The following MAMDC4 variants were observed in gnomAD, a reference collection of about 807,000 sequenced individuals.
MAMDC4 encodes the protein MAM domain containing 4.
A neutral mutation model predicts 153.3 loss-of-function variants in MAMDC4; 168 were observed. The ratio of observed to expected loss-of-function variants is 1.10; its 90% CI spans 0.97 to 1.25. The LOEUF (loss-of-function observed/expected upper bound fraction) is 1.25, where lower values mean the gene tolerates loss of function less well. Ranked by LOEUF, MAMDC4 falls within the 50% of genes most tolerant of loss-of-function variation. The pLI is 0.00. For synonymous variants in MAMDC4, 744 were observed against 651.5 expected (o/e 1.14, Z -2.16); for missense variants, 1,701 against 1,542.8 (o/e 1.10, Z -1.72).
In MAMDC4 at chr9:136,857,173, C is replaced by T. The variant is rs143519494; in HGVS notation, c.1981C>T (p.Arg661Cys). The T allele has an allele frequency of 1.6e-5, 26 of 1,612,234 alleles. No individual in the cohort carries two copies. Among genetic ancestry groups the T allele is most frequent in the African/African-American group, 8.0e-5 (6 of 74,918 alleles). Residue 661 changes from arginine to cysteine, a missense_variant, in exon 17 of 27, where the codon CGC becomes TGC. Arg to Cys is a radical substitution (Grantham distance 180). Coordinates refer to ENST00000317446, the MANE Select transcript of MAMDC4 (RefSeq NM_206920.3). Reference protein sequence around the residue: ...HLHGPQIGTLRLAMRREGEET... With the variant: ...HLHGPQIGTLCLAMRREGEET... ...TGGTCCCCTCCCTGCAGGGACTCTG[C>T]GCCTAGCCATGAGACGGGAAGGGGA...
Position 136,855,013 on chromosome 9 carries a change from C to G in MAMDC4, c.1100C>G (p.Ala367Gly). The G allele has an allele frequency of 6.3e-7, 1 of 1,596,444 alleles. No homozygotes were observed. Among genetic ancestry groups the G allele is most frequent in the Middle Eastern group, 2.1e-4 (1 of 4,816 alleles). The change falls in exon 10 of 27, where the codon GCC becomes GGC. Residue 367 changes from alanine (A) to glycine (G), a missense_variant. Ala to Gly is a moderately conservative substitution (Grantham distance 60). Coordinates refer to ENST00000317446, the MANE Select transcript of MAMDC4 (RefSeq NM_206920.3). Reference sequence around the variant, plus strand: ...TTCCTGCAGACTCTGGGGCCCGGCGCCCCCCGGGCCCCCGTCCTGCTGCGG... The same window carrying G: ...TTCCTGCAGACTCTGGGGCCCGGCGGCCCCCGGGCCCCCGTCCTGCTGCGG... ...QLFLQTLGPG[A>G]PRAPVLLRRR... is the part of the protein sequence containing the mutation.
chr9:136,856,562 CGAGA>C, intron 14 of MAMDC4, 144 bp from the exon 15 acceptor site: 1 of 835,646 alleles, frequency 1.2e-6, no homozygotes. Context: ...CAGTGACCAC[CGAGA>C]GAGACAGAGG....
In MAMDC4 at chr9:136,857,030, G is replaced by A. The variant is rs765091429; in HGVS notation, c.1961G>A (p.Gly654Glu). The change falls in exon 16 of 27, where the codon GGG (glycine) becomes GAG (glutamate). Residue 654 changes from glycine to glutamate, a missense_variant. Coordinates refer to ENST00000317446, the MANE Select transcript of MAMDC4 (RefSeq NM_206920.3). ...CTCAGCTTCTGGTACCACCTCCATG[G>A]GCCCCAGATTGGTGAGTGGACCTGG... ...ECLSFWYHLH[G>E]PQIGTLRLAM... is the part of the protein sequence containing the mutation. 3 of 1,611,386 alleles carry A rather than the reference G, an allele frequency of 1.9e-6. No individual in the cohort carries two copies. The South Asian group carries it at 3.3e-5, about 18-fold the overall frequency.
At position 136,857,552 on chromosome 9, in the gene MAMDC4, C is replaced by T. The variant is rs764830283; in HGVS notation, c.2292C>T (p.Gly764=). 15 of 1,611,720 alleles carry T rather than the reference C, an allele frequency of 9.3e-6. No individual in the cohort carries two copies. Among genetic ancestry groups the T allele is most frequent in the Middle Eastern group, 1.6e-4 (1 of 6,084 alleles). ...QANASGHAAW[G]PPTDHTTETA... ...ATGCCTCGGGCCATGCTGCCTGGGG[C>T]CCCCCAACAGACCATACCACTGAGA... The change falls in exon 18 of 27, where the codon GGC becomes GGT. Residue 764 remains glycine (G), a synonymous_variant. Transcript: ENST00000317446.
At position 136,854,523 on chromosome 9, in the gene MAMDC4, C is replaced by A; in HGVS notation, c.797-16C>A. 6.3e-7 allele frequency: 1 copy of A among 1,596,978 alleles called. No individual in the cohort carries two copies. The highest frequency in any genetic ancestry group is 8.5e-7 in the Non-Finnish European group (1 of 1,172,966). On this transcript the variant is annotated splice_polypyrimidine_tract_variant and intron_variant, in intron 7 of 26. Transcript: ENST00000317446. ...GCACTGCCTGGTGGCCCTGACACGC[C>A]CACCTCCTGCCCTAGGCCGCCACAT...
chr9:136,857,568 A>AC lies in MAMDC4; in HGVS notation c.2310dup (p.Thr771HisfsTer2), dbSNP rs781132533. ...TGCCTGGGGCCCCCCAACAGACCAT[A>AC]CCACTGAGACAGCCCAAGGTATGGG... On this transcript the variant is annotated frameshift_variant, in exon 18 of 27. Coordinates refer to ENST00000317446, the MANE Select transcript of MAMDC4 (RefSeq NM_206920.3). LOFTEE classifies it high-confidence loss of function. 1 of 1,612,350 alleles carries AC rather than the reference A, an allele frequency of 6.2e-7. No individual in the cohort carries two copies. The highest frequency in any genetic ancestry group is 2.2e-5 in the East Asian group (1 of 44,876).
chr9:136,856,297 G>A (rs1849003032), intron 14 of MAMDC4, 148 bp downstream of exon 14: 4 of 1,303,472 alleles, frequency 3.1e-6, no homozygotes, highest in Non-Finnish European at 3.3e-6. Context: ...GCTCCCGGGA[G>A]CTGGCATGGC....
Position 136,857,756 on chromosome 9 carries a change from T to C in MAMDC4, c.2424T>C (p.Ala808=). The change falls in exon 19 of 27, where the codon GCT becomes GCC. Residue 808 remains alanine, a synonymous_variant. Transcript: ENST00000317446. ...SKEHRPLAQP[A]CLTFWYHGSL... ...AGCACAGGCCCCTGGCCCAGCCTGC[T>C]TGTCTGACCTTCTGGTACCACGGGA... 6.2e-7 allele frequency: 1 copy of C among 1,612,628 alleles called. No homozygotes were observed.
In MAMDC4 at chr9:136,859,337, G is replaced by C. The variant is rs1849053534; in HGVS notation, c.3193+20G>C. On this transcript the variant is annotated intron_variant, in intron 25 of 26. Transcript: ENST00000317446. ...GCCCGGGTGAGCCCTGGGCTGCAGT[G>C]GAGGCACGGAGGAGGGCCCAAGGGG... The C allele has an allele frequency of 6.3e-7, 1 of 1,591,614 alleles. No individual in the cohort carries two copies. The highest frequency in any genetic ancestry group is 1.8e-5 in the Admixed American group (1 of 56,684).
chr9:136,855,803 C>T lies in MAMDC4; in HGVS notation c.1543C>T (p.Arg515Cys), dbSNP rs575201329. Reference protein sequence around the residue: ...DASVGRLQWRRVSAQESQGSS... With the variant: ...DASVGRLQWRCVSAQESQGSS... ...CAGCGTGGGGCGGCTGCAGTGGCGG[C>T]GTGTCTCAGCCCAGGAGAGCCAGGG... The change falls in exon 13 of 27, where the codon CGT becomes TGT. Residue 515 changes from arginine (R) to cysteine (C), a missense_variant. Coordinates refer to ENST00000317446, the MANE Select transcript of MAMDC4 (RefSeq NM_206920.3). 1.6e-5 allele frequency: 25 copies of T among 1,542,766 alleles called. No individual in the cohort carries two copies. In the African/African-American group the frequency reaches 2.5e-4, roughly 15 times the overall value.
At position 136,858,379 on chromosome 9, in the gene MAMDC4, TCACC is replaced by T; in HGVS notation, c.2675-14_2675-11del. 6.2e-7 allele frequency: 1 copy of T among 1,600,618 alleles called. No individual in the cohort carries two copies. Among genetic ancestry groups the T allele is most frequent in the Non-Finnish European group, 8.5e-7 (1 of 1,179,760 alleles). On this transcript the variant is annotated splice_polypyrimidine_tract_variant and intron_variant, in intron 21 of 26. Transcript: ENST00000317446. The stretch of plus-strand genomic sequence containing the variant: ...GGCTTGGGCCGTGGGGCAGCACCAC[TCACC>T]CACCCATGTCCTGCAGGTTCCTGTG...
rs1357419161 is a variant in MAMDC4, at chr9:136,853,409, A to G, written c.279A>G (p.Ala93=). The G allele has an allele frequency of 6.2e-7, 1 of 1,604,236 alleles. No individual in the cohort carries two copies. Among genetic ancestry groups the G allele is most frequent in the Non-Finnish European group, 8.5e-7 (1 of 1,173,592 alleles). ...YSWLRDRAGA[A]LEGPGPHSDH... ...GGCTCCGAGACAGGGCAGGGGCCGC[A>G]CTGGAGGGTCCTGGGCCTCACTCAG... Residue 93 remains alanine, a synonymous_variant, in exon 3 of 27, where the codon GCA becomes GCG. Transcript: ENST00000317446.
At position 136,857,026 on chromosome 9, in the gene MAMDC4, C is replaced by T; in HGVS notation, c.1957C>T (p.His653Tyr). ...GTGTCTCAGCTTCTGGTACCACCTC[C>T]ATGGGCCCCAGATTGGTGAGTGGAC... is the stretch of plus-strand genomic sequence containing the variant. ...TECLSFWYHL[H>Y]GPQIGTLRLA... The change falls in exon 16 of 27, where the codon CAT (histidine) becomes TAT (tyrosine). Residue 653 changes from histidine (H) to tyrosine (Y), a missense_variant. His to Tyr is a moderately conservative substitution (Grantham distance 83). Transcript: ENST00000317446. 1 of 1,611,574 alleles carries T rather than the reference C, an allele frequency of 6.2e-7. No homozygotes were observed. The highest frequency in any genetic ancestry group is 8.5e-7 in the Non-Finnish European group (1 of 1,179,192).
At chr9:136,858,312 G>T in intron 21 of MAMDC4, 36 bp downstream of exon 21, 1 of 1,600,692 alleles carries the variant, frequency 6.2e-7, no homozygotes, top group South Asian at 1.1e-5. Flanking sequence ...CCTGCTCTGG[G>T]GTGCCTGCCT....
intron 25 of MAMDC4, 84 bp from the exon 26 acceptor site, chr9:136,859,802 A>T: frequency 6.9e-7 from 1 of 1,448,330 alleles, no homozygotes; most frequent in Non-Finnish European, 9.5e-7. Context: ...GCAGAGGCTG[A>T]GGGACCATGC....
At chr9:136,860,096 C>G in intron 26 of MAMDC4, 32 bp downstream of exon 26, 1 of 1,519,280 alleles carries the variant, frequency 6.6e-7, no homozygotes, top group Non-Finnish European at 8.8e-7. Context: ...TGGGCAGGAG[C>G]CTCTGTGCTC....
Position 136,853,467 on chromosome 9 carries a change from A to T in MAMDC4, c.328+9A>T. 2 of 1,606,298 alleles carry T rather than the reference A, an allele frequency of 1.2e-6. No individual in the cohort carries two copies. The highest frequency in any genetic ancestry group is 1.7e-6 in the Non-Finnish European group (2 of 1,175,368). ...ACTGGGCACCGACTTGGGTGAGGCC[A>T]GGGCAAGTCTCTGTGCGCCCCTGTC... On this transcript the variant is annotated intron_variant, in intron 3 of 26. Transcript: ENST00000317446.
chr9:136,856,368 G>T (rs755246499), intron 14 of MAMDC4: 1 of 894,792 alleles, frequency 1.1e-6, no homozygotes, highest in East Asian at 2.4e-5. Context: ...GGGGCCCGCC[G>T]CCGGCCCTTC....
intron 26 of MAMDC4, 114 bp from the exon 27 acceptor site, chr9:136,860,448 G>T: frequency 8.9e-7 from 1 of 1,120,086 alleles, no homozygotes; most frequent in Non-Finnish European, 1.3e-6. Flanking sequence ...TTGAACCAGG[G>T]AGGCAGGGGT....
Sources: gnomAD v4.1 joint callset for allele counts on GRCh38, gnomAD v4.1.1 for gene constraint, MANE v1.5 for transcripts, NCBI Gene and HGNC (gene_info 2026-07-23, HGNC 2026-07-21) for gene names.